The following IQCE variants were observed in gnomAD, a reference collection of about 807,000 sequenced individuals.
The protein encoded by IQCE is IQ motif containing E.
A neutral mutation model predicts 96.0 loss-of-function variants in IQCE; 115 were observed. The observed-to-expected ratio is 1.20, with a 90% CI of 1.03 to 1.40. IQCE has a LOEUF of 1.40. IQCE is among the 40% of genes most tolerant of loss of function. IQCE has a pLI of 0.00. For synonymous variants in IQCE, 412 were observed against 371.2 expected (o/e 1.11, Z -1.26); for missense variants, 1,041 against 909.1 (o/e 1.15, Z -1.87).
intron 17 of IQCE, among the ~76,000 whole-genome samples, chr7:2,599,919 C>T (rs1784321345): frequency 6.6e-6 from 1 of 151,908 alleles, no homozygotes; most frequent in Non-Finnish European, 1.5e-5. Context: ...TCAGCCTCCC[C>T]AGTAGCTGGG....
intron 20 of IQCE, 82 bp downstream of exon 20, chr7:2,606,079 A>C: frequency 6.9e-7 from 1 of 1,451,786 alleles, no homozygotes; most frequent in Non-Finnish European, 9.1e-7. Context: ...CACTGGGTGC[A>C]GGGCATGTGG....
At chr7:2,574,962 C>A (rs1437876521) in intron 6 of IQCE, among the ~76,000 whole-genome samples, 3 of 152,212 alleles carry the variant, frequency 2.0e-5, no homozygotes, top group African/African-American at 7.2e-5. Context: ...AGACGCCCAC[C>A]CTGTGCCTCT....
chr7:2,569,149 G>A (rs1288375682), intron 3 of IQCE, 150 bp downstream of exon 3: 37 of 703,464 alleles, frequency 5.3e-5, no homozygotes, highest in East Asian at 2.7e-5. Flanking sequence ...CCCAGTTCGC[G>A]CTGGAGTCTC....
In IQCE at chr7:2,568,447, G is replaced by A. The variant is rs546643277; in HGVS notation, c.85-507G>A. On this transcript the variant is annotated intron_variant, in intron 2 of 21. Transcript: ENST00000402050. ...AGCAGTGGAACCAGATCTGGACCCC[G>A]TTCTGTGAGATCTGGACCCCATTGG... Among the ~76,000 whole-genome samples, 9 of 152,262 alleles carry A rather than the reference G, an allele frequency of 5.9e-5. No individual in the cohort carries two copies. In the South Asian group the frequency reaches 1.5e-3, roughly 25 times the overall value.
intron 14 of IQCE, among the ~76,000 whole-genome samples, chr7:2,592,400 A>G (rs893559113): frequency 7.7e-6 from 1 of 129,868 alleles, no homozygotes; most frequent in Non-Finnish European, 1.8e-5. Flanking sequence ...AAGTGGCGTG[A>G]CAAGAGCCAC....
At chr7:2,573,556 A>C in intron 6 of IQCE, 68 bp downstream of exon 6, 1 of 880,534 alleles carries the variant, frequency 1.1e-6, no homozygotes. Context: ...GTATTAGAAC[A>C]TCAGTGCCTG....
chr7:2,572,667 C>T, intron 5 of IQCE: 2 of 476,804 alleles, frequency 4.2e-6, no homozygotes, highest in Admixed American at 2.4e-5. Flanking sequence ...AAGTCCAAGT[C>T]GCACCAAAGA....
intron 16 of IQCE, chr7:2,598,089 A>G (rs187362821): frequency 3.9e-5 from 7 of 179,444 alleles, no homozygotes; most frequent in Admixed American, 6.2e-5. Flanking sequence ...GTATTAAACT[A>G]GAAAACAGAA....
chr7:2,600,318 G>A (rs113495475), intron 17 of IQCE, among the ~76,000 whole-genome samples: 3,433 of 152,306 alleles, frequency 0.023, 63 homozygotes, highest in Middle Eastern at 0.054. Flanking sequence ...CCCTCGGGAC[G>A]TGGATGGACC....
chr7:2,598,392 C>T, intron 16 of IQCE, 73 bp from the exon 17 acceptor site: 5 of 1,416,702 alleles, frequency 3.5e-6, no homozygotes, highest in Non-Finnish European at 9.6e-7. Flanking sequence ...CGGGTAATAT[C>T]CTGTCCCCTT....
At chr7:2,584,788 TG>T (rs1182674103) in intron 11 of IQCE, 1 of 157,542 alleles carries the variant, frequency 6.3e-6, no homozygotes, top group Non-Finnish European at 1.4e-5. Context: ...TGCAGCAGTT[TG>T]CTGACGTCGT....
chr7:2,604,953 G>A lies in IQCE; in HGVS notation c.1705G>A (p.Gly569Ser), dbSNP rs1241608861. Reference protein sequence around the residue: ...RTKLLASKAHGSEPPSVPGLP... With the variant: ...RTKLLASKAHSSEPPSVPGLP... ...AAAGCTCTTAGCAAGCAAAGCACATGGCTCAGAGCCACCCAGCGTGCCAGG... is the reference window on the plus strand; with the variant it reads ...AAAGCTCTTAGCAAGCAAAGCACATAGCTCAGAGCCACCCAGCGTGCCAGG... Residue 569 changes from glycine to serine, a missense_variant, in exon 19 of 22, where the codon GGC becomes AGC. Coordinates refer to ENST00000402050, the MANE Select transcript of IQCE (RefSeq NM_152558.5). The A allele has an allele frequency of 1.2e-6, 2 of 1,613,652 alleles. No homozygotes were observed. The highest frequency in any genetic ancestry group is 8.5e-7 in the Non-Finnish European group (1 of 1,179,970).
intron 3 of IQCE, among the ~76,000 whole-genome samples, chr7:2,570,710 A>G (rs561451599): frequency 6.6e-6 from 1 of 152,312 alleles, no homozygotes; most frequent in South Asian, 2.1e-4. Context: ...TATCTTTTTT[A>G]TACTTAAAGA....
At chr7:2,569,040 T>C in intron 3 of IQCE, 41 bp downstream of exon 3, 3 of 1,581,220 alleles carry the variant, frequency 1.9e-6, no homozygotes, top group Non-Finnish European at 2.6e-6. Flanking sequence ...ACGCCGACGT[T>C]CCCTGGTGTC....
At position 2,598,697 on chromosome 7, in the gene IQCE, C is replaced by T. The variant is rs1001255962; in HGVS notation, c.1608+65C>T. The T allele has an allele frequency of 6.5e-6, 9 of 1,387,768 alleles. No individual in the cohort carries two copies. The Admixed American group carries it at 2.6e-4, about 40-fold the overall frequency. The allele number at this position is 1,387,768 out of a possible 1,614,324, so 86.0% of individuals were successfully genotyped here. ...TCTTCGTGCTCCAAGGCAAGCCACT[C>T]ACTCTCCAGGAATGACTGGGCCTGG... On this transcript the variant is annotated intron_variant, in intron 17 of 21. Transcript: ENST00000402050.
chr7:2,583,164 CTT>C (rs1455523986), intron 9 of IQCE, among the ~76,000 whole-genome samples: 2 of 152,186 alleles, frequency 1.3e-5, no homozygotes, highest in African/African-American at 4.8e-5. Flanking sequence ...ACCTCCATGA[CTT>C]TGCTTTCGTT....
chr7:2,608,396 G>C (rs535478177), intron 21 of IQCE, among the ~76,000 whole-genome samples: 26 of 152,348 alleles, frequency 1.7e-4, no homozygotes, highest in African/African-American at 5.8e-4. Context: ...GCTAAGAACC[G>C]TATACCACGT....
chr7:2,608,513 A>G (rs1317979991), intron 21 of IQCE, among the ~76,000 whole-genome samples: 1 of 152,234 alleles, frequency 6.6e-6, no homozygotes, highest in African/African-American at 2.4e-5. Flanking sequence ...CAAAACTTCC[A>G]TTTGTAAAGC....
intron 14 of IQCE, among the ~76,000 whole-genome samples, chr7:2,591,794 T>C (rs989084189): frequency 1.3e-5 from 2 of 152,076 alleles, no homozygotes; most frequent in Non-Finnish European, 2.9e-5. Flanking sequence ...CTAATTTTTG[T>C]ATTTTTAGTA....
Sources: allele counts gnomAD v4.1 joint callset (sites outside exome capture counted in the v4.1 genomes callset), GRCh38; gene constraint gnomAD v4.1.1; transcripts MANE v1.5; gene names NCBI Gene and HGNC (gene_info 2026-07-23, HGNC 2026-07-21).